Variants in FRMD4B observed in about 807,000 individuals in gnomAD.
The protein encoded by FRMD4B is FERM domain containing 4B.
In FRMD4B, 74 loss-of-function variants were observed where a neutral mutation model predicts 141.5. The observed-to-expected ratio is 0.52, with a 90% confidence interval of 0.43 to 0.63. FRMD4B has a LOEUF of 0.63. Among genes scored for constraint, FRMD4B ranks in the 30% least tolerant of loss-of-function variants. The pLI, the probability that FRMD4B is intolerant of heterozygous loss-of-function variation, is 0.00. For missense variants in FRMD4B, 1,366 were observed against 1,253.4 expected (o/e 1.09, Z -1.36); for synonymous variants, 506 against 467.9 (o/e 1.08, Z -1.05).
In FRMD4B at chr3:69,515,604, C is replaced by T. The variant is rs1037037833; in HGVS notation, c.-129+26602G>A. Among the ~76,000 whole-genome samples the T allele has an allele frequency of 1.2e-4, 18 of 152,210 alleles. No individual in the cohort carries two copies. In the South Asian group the frequency reaches 3.5e-3, roughly 30 times the overall value. ...GGCCATTGAGATCTCTTTCATTAGG[C>T]TCCTGTGTTCCTTTGATGTATTCCC... On this transcript the variant is annotated intron_variant, in intron 1 of 5. Coordinates refer to the FRMD4B transcript ENST00000459638.
intron 2 of FRMD4B, among the ~76,000 whole-genome samples, chr3:69,399,779 T>C (rs1704529750): frequency 6.6e-6 from 1 of 152,174 alleles, no homozygotes; most frequent in African/African-American, 2.4e-5. Flanking sequence ...CCGCTTAAAC[T>C]TCCCTTCTCA....
At chr3:69,496,667 G>A (rs1706403232) in intron 1 of FRMD4B, among the ~76,000 whole-genome samples, 1 of 148,868 alleles carries the variant, frequency 6.7e-6, no homozygotes, top group Admixed American at 6.7e-5. Flanking sequence ...GAGAGAGAGA[G>A]AGAGAGAGAG....
chr3:69,520,897 C>G (rs528549459), intron 1 of FRMD4B, among the ~76,000 whole-genome samples: 9 of 152,290 alleles, frequency 5.9e-5, no homozygotes, highest in African/African-American at 2.2e-4. Flanking sequence ...CCCTGGTCTA[C>G]TTGAAAATGC....
chr3:69,540,662 C>T (rs7645975), intron 1 of FRMD4B, among the ~76,000 whole-genome samples: 1,651 of 62,834 alleles, frequency 0.026, 19 homozygotes, highest in African/African-American at 0.038. Context: ...TATATATATA[C>T]ACACACACAC....
chr3:69,194,165 GC>G (rs2092873306), intron 16 of FRMD4B, among the ~76,000 whole-genome samples: 1 of 152,340 alleles, frequency 6.6e-6, no homozygotes, highest in South Asian at 2.1e-4. Context: ...TCAACTCAAA[GC>G]TCATGGATGC....
intron 2 of FRMD4B, among the ~76,000 whole-genome samples, chr3:69,416,437 C>A (rs1424360641): frequency 2.6e-5 from 4 of 152,192 alleles, no homozygotes; most frequent in African/African-American, 7.2e-5. Context: ...TGTGCCACTG[C>A]ACCCAGCTGA....
chr3:69,343,504 T>C (rs1702814075), intron 1 of FRMD4B, among the ~76,000 whole-genome samples: 1 of 152,038 alleles, frequency 6.6e-6, no homozygotes, highest in Non-Finnish European at 1.5e-5. Flanking sequence ...CCCCTGTCAA[T>C]TTAATCTCTT....
At chr3:69,179,010 C>T (rs1222531185) in intron 21 of FRMD4B, among the ~76,000 whole-genome samples, 1 of 151,566 alleles carries the variant, frequency 6.6e-6, no homozygotes, top group Non-Finnish European at 1.5e-5. Context: ...TGGCAAATAA[C>T]TGGAAATTTA....
chr3:69,349,380 T>C (rs1451108393), intron 1 of FRMD4B, among the ~76,000 whole-genome samples: 1 of 152,130 alleles, frequency 6.6e-6, no homozygotes, highest in Non-Finnish European at 1.5e-5. Flanking sequence ...ATCAATATCG[T>C]GAAAATGGCC....
chr3:69,520,412 T>TGA (rs1700837548), intron 1 of FRMD4B, among the ~76,000 whole-genome samples: 1 of 144,420 alleles, frequency 6.9e-6, no homozygotes, highest in African/African-American at 2.6e-5. Context: ...TATATATATA[T>TGA]TTTTTCTGTG....
chr3:69,442,825 A>G (rs928667762), intron 1 of FRMD4B, among the ~76,000 whole-genome samples: 1 of 152,196 alleles, frequency 6.6e-6, no homozygotes, highest in African/African-American at 2.4e-5. Context: ...CAGTGAGGAA[A>G]TGGGTTCTAG....
At chr3:69,246,702 A>G (rs991490784) in intron 7 of FRMD4B, among the ~76,000 whole-genome samples, 1 of 152,180 alleles carries the variant, frequency 6.6e-6, no homozygotes. Flanking sequence ...GGATGTTGCC[A>G]GTCTGCGTGA....
intron 1 of FRMD4B, among the ~76,000 whole-genome samples, chr3:69,445,801 AGTATT>A (rs1263807510): frequency 3.9e-5 from 6 of 152,196 alleles, no homozygotes; most frequent in Non-Finnish European, 8.8e-5. Flanking sequence ...TATCCTAAAT[AGTATT>A]AAGCTACGTT....
intron 1 of FRMD4B, among the ~76,000 whole-genome samples, chr3:69,485,982 T>A (rs1706208658): frequency 1.3e-5 from 2 of 152,246 alleles, no homozygotes; most frequent in Admixed American, 1.3e-4. Flanking sequence ...TAGAATATTA[T>A]AATTACAGAT....
intron 1 of FRMD4B, among the ~76,000 whole-genome samples, chr3:69,542,055 C>A (rs1187799083): frequency 6.6e-6 from 1 of 152,122 alleles, no homozygotes; most frequent in Non-Finnish European, 1.5e-5. Context: ...GCGGGGTTTT[C>A]CGCTCTCCCA....
intron 11 of FRMD4B, among the ~76,000 whole-genome samples, chr3:69,209,475 G>T (rs1438166660): frequency 6.6e-6 from 1 of 152,114 alleles, no homozygotes; most frequent in Non-Finnish European, 1.5e-5. Flanking sequence ...TAACTCATTG[G>T]GTCCTCACAA....
chr3:69,505,993 G>T (rs1009151369), intron 1 of FRMD4B, among the ~76,000 whole-genome samples: 3 of 152,160 alleles, frequency 2.0e-5, no homozygotes, highest in African/African-American at 7.2e-5. Flanking sequence ...TTACAGCTGC[G>T]TTTAATCTTT....
intron 5 of FRMD4B, among the ~76,000 whole-genome samples, chr3:69,272,112 T>A (rs2093597126): frequency 6.6e-6 from 1 of 152,212 alleles, no homozygotes; most frequent in Non-Finnish European, 1.5e-5. Flanking sequence ...GATGATTAGT[T>A]ATCACAAGAA....
At chr3:69,538,977 T>C (rs1477554349) in intron 1 of FRMD4B, among the ~76,000 whole-genome samples, 4 of 152,212 alleles carry the variant, frequency 2.6e-5, no homozygotes, top group African/African-American at 9.6e-5. Context: ...ACATTACTTA[T>C]CTATAGGCTG....
Sources: gnomAD v4.1 joint callset for allele counts (sites outside exome capture counted in the v4.1 genomes callset) on GRCh38, gnomAD v4.1.1 for gene constraint, MANE v1.5 for transcripts, NCBI Gene and HGNC (gene_info 2026-07-23, HGNC 2026-07-21) for gene names.